ARMH4: variants seen among roughly 807,000 people sequenced by gnomAD.
ARMH4 encodes armadillo like helical domain containing 4.
Under a neutral mutation model 61.9 loss-of-function variants are expected in ARMH4, and 49 were observed. The ratio of observed to expected loss-of-function variants is 0.79; its 90% confidence interval spans 0.63 to 1.00. The LOEUF (loss-of-function observed/expected upper bound fraction) is 1.00. Among genes scored for constraint, ARMH4 ranks in the 50% least tolerant of loss-of-function variants. The pLI, the probability that ARMH4 is intolerant of heterozygous loss-of-function variation, is 0.00. For missense variants in ARMH4, 934 were observed against 930.0 expected (o/e 1.00, Z -0.06); for synonymous variants, 368 against 341.5 (o/e 1.08, Z -0.85).
At chr14:58,073,602 A>C (rs1050509653) in intron 5 of ARMH4, among the ~76,000 whole-genome samples, 1 of 152,212 alleles carries the variant, frequency 6.6e-6, no homozygotes, top group African/African-American at 2.4e-5. Context: ...CACTGGGAAA[A>C]AAAAATAGTC....
At chr14:58,112,565 T>G (rs1347867746) in intron 4 of ARMH4, among the ~76,000 whole-genome samples, 1 of 152,188 alleles carries the variant, frequency 6.6e-6, no homozygotes, top group Non-Finnish European at 1.5e-5. Context: ...TTATATTTTA[T>G]ACAGAGTGCT....
intron 5 of ARMH4, among the ~76,000 whole-genome samples, chr14:58,017,873 C>A (rs1402871896): frequency 1.3e-5 from 2 of 152,050 alleles, no homozygotes; most frequent in Admixed American, 6.6e-5. Context: ...AAGTACCTAA[C>A]TTCAAAATAT....
At chr14:58,117,238 T>G (rs1162440975) in intron 4 of ARMH4, among the ~76,000 whole-genome samples, 3 of 152,236 alleles carry the variant, frequency 2.0e-5, no homozygotes, top group Admixed American at 6.5e-5. Flanking sequence ...AACACAAAGC[T>G]ATATTAATAT....
chr14:58,089,432 G>C (rs915504560), intron 5 of ARMH4, among the ~76,000 whole-genome samples: 1 of 152,188 alleles, frequency 6.6e-6, no homozygotes, highest in East Asian at 1.9e-4. Context: ...TAGGGCTAAG[G>C]GTCTCACTTC....
intron 5 of ARMH4, among the ~76,000 whole-genome samples, chr14:58,076,740 A>G (rs536745932): frequency 6.6e-6 from 1 of 152,292 alleles, no homozygotes; most frequent in East Asian, 1.9e-4. Flanking sequence ...TAAACTGAGA[A>G]AGAAGGGACT....
chr14:58,137,706 T>C (rs900235720), intron 2 of ARMH4, among the ~76,000 whole-genome samples: 5 of 152,164 alleles, frequency 3.3e-5, no homozygotes, highest in Admixed American at 6.6e-5. Context: ...ATAAAATAGA[T>C]GATGTATTTG....
intron 6 of ARMH4, among the ~76,000 whole-genome samples, chr14:58,008,801 C>A (rs1215760508): frequency 6.6e-6 from 1 of 152,180 alleles, no homozygotes; most frequent in Admixed American, 6.5e-5. Context: ...CCAGACCATA[C>A]ATTGAGAATC....
chr14:58,093,735 C>T (rs867553532), intron 5 of ARMH4, among the ~76,000 whole-genome samples: 3 of 152,074 alleles, frequency 2.0e-5, no homozygotes, highest in Admixed American at 6.5e-5. Flanking sequence ...CCTGTCCTTC[C>T]GAGAAAAGGT....
intron 2 of ARMH4, among the ~76,000 whole-genome samples, chr14:58,134,819 T>C (rs926396943): frequency 4.6e-5 from 7 of 151,874 alleles, no homozygotes; most frequent in South Asian, 2.1e-4. Context: ...TAGCTGGGCA[T>C]AGTGGCACAT....
At chr14:58,091,763 G>C (rs992965035) in intron 5 of ARMH4, among the ~76,000 whole-genome samples, 1 of 152,142 alleles carries the variant, frequency 6.6e-6, no homozygotes, top group Non-Finnish European at 1.5e-5. Context: ...TTAGATGAAA[G>C]AAGAAATTAA....
intron 5 of ARMH4, among the ~76,000 whole-genome samples, chr14:58,041,168 G>A (rs1041401496): frequency 2.4e-4 from 36 of 152,290 alleles, no homozygotes; most frequent in South Asian, 1.0e-3. Flanking sequence ...GCGAGGCATC[G>A]CCTCACCCGG....
At chr14:58,044,063 C>T (rs1883831408) in intron 5 of ARMH4, among the ~76,000 whole-genome samples, 1 of 152,074 alleles carries the variant, frequency 6.6e-6, no homozygotes, top group Non-Finnish European at 1.5e-5. Flanking sequence ...AGATTCAATG[C>T]CATCCCCATC....
At chr14:58,009,043 AG>A (rs1882288675) in intron 6 of ARMH4, among the ~76,000 whole-genome samples, 1 of 152,204 alleles carries the variant, frequency 6.6e-6, no homozygotes, top group African/African-American at 2.4e-5. Context: ...CCAAGAAGAC[AG>A]TTAATGATGG....
intron 5 of ARMH4, among the ~76,000 whole-genome samples, chr14:58,066,972 A>G (rs954182748): frequency 3.9e-5 from 6 of 152,218 alleles, no homozygotes; most frequent in African/African-American, 1.4e-4. Flanking sequence ...ACTTAGAGTG[A>G]CCTGATACAA....
rs533055913 is a variant in ARMH4 at position 58,086,063 on chromosome 14, G to T, written c.2089+10661C>A. 5.3e-5 allele frequency among the ~76,000 whole-genome samples: 8 copies of T among 152,272 alleles called. No individual in the cohort carries two copies. The South Asian group carries it at 1.7e-3, about 32-fold the overall frequency. ...CTTCCATCTAGGTGATGCAATAGTT[G>T]TTTTCATTCTTTGGTAGGAGCTGTC... On this transcript the variant is annotated intron_variant, in intron 5 of 7. Transcript: ENST00000267485.
intron 6 of ARMH4, among the ~76,000 whole-genome samples, chr14:58,006,775 G>A (rs1189667698): frequency 7.5e-6 from 1 of 133,900 alleles, no homozygotes; most frequent in African/African-American, 2.7e-5. Flanking sequence ...TGAGGGGAGG[G>A]GGGAGGGACA....
At chr14:58,147,001 T>C (rs147511939) in intron 1 of ARMH4, among the ~76,000 whole-genome samples, 195 of 152,336 alleles carry the variant, frequency 1.3e-3, no homozygotes, top group Middle Eastern at 3.4e-3. Context: ...CCTTTTCTTA[T>C]GATATACACA....
intron 4 of ARMH4, among the ~76,000 whole-genome samples, chr14:58,101,930 G>C (rs186147384): frequency 6.6e-6 from 1 of 152,282 alleles, no homozygotes; most frequent in Non-Finnish European, 1.5e-5. Flanking sequence ...TTGAAGGAGG[G>C]ATGGGTGAAT....
chr14:58,103,642 G>T (rs1353743628), intron 4 of ARMH4, among the ~76,000 whole-genome samples: 3 of 151,788 alleles, frequency 2.0e-5, no homozygotes, highest in African/African-American at 7.3e-5. Context: ...AGGCTGGAGT[G>T]CAGTAATGTG....
Sources: gnomAD v4.1 joint callset for allele counts (sites outside exome capture counted in the v4.1 genomes callset) on GRCh38, gnomAD v4.1.1 for gene constraint, MANE v1.5 for transcripts, NCBI Gene and HGNC (gene_info 2026-07-23, HGNC 2026-07-21) for gene names.